The following PM20D2 variants were observed in gnomAD, a reference collection of about 807,000 sequenced individuals.
The protein encoded by PM20D2 is xaa-Arg dipeptidase.
In PM20D2, 33 loss-of-function variants were observed where a neutral mutation model predicts 42.9. The observed-to-expected ratio is 0.77, with a 90% confidence interval of 0.58 to 1.03. The LOEUF (loss-of-function observed/expected upper bound fraction) is 1.03, where lower values mean the gene tolerates loss of function less well. PM20D2 is among the 50% of genes least tolerant of loss of function. The probability of loss-of-function intolerance (pLI) is 0.00; values close to 1 mark genes in which losing one functional copy is unlikely to be tolerated. For missense variants in PM20D2, 548 were observed against 557.0 expected (o/e 0.98, Z 0.16); for synonymous variants, 250 against 228.2 (o/e 1.10, Z -0.86).
chr6:89,127,215 C>A, the PM20D2 span, among the ~76,000 whole-genome samples: 1 of 152,094 alleles, frequency 6.6e-6, no homozygotes, highest in Non-Finnish European at 1.5e-5. Context: ...AATTTTGCAA[C>A]CCCTAATGAA....
chr6:89,146,451 C>T lies in PM20D2; in HGVS notation c.307C>T (p.Pro103Ser). ...GGAGGCCCGGGCACCGAGCGCCACG[C>T]CACGCCCGCTGCACCTGGGCTTCCT... ...PPEARAPSAT[P>S]RPLHLGFLCE... Residue 103 changes from proline (P) to serine (S), a missense_variant, in exon 1 of 7, where the codon CCA becomes TCA. By Grantham distance (74) the Pro-to-Ser change is moderately conservative. Transcript: ENST00000275072. The T allele has an allele frequency of 6.6e-7, 1 of 1,523,234 alleles. No homozygotes were observed. Among genetic ancestry groups the T allele is most frequent in the Non-Finnish European group, 8.8e-7 (1 of 1,142,664 alleles). The allele number at this position is 1,523,234 out of a possible 1,614,324, so 94.4% of individuals were successfully genotyped here.
the PM20D2 span, among the ~76,000 whole-genome samples, chr6:89,127,648 C>T: frequency 6.6e-6 from 1 of 152,160 alleles, no homozygotes; most frequent in African/African-American, 2.4e-5. Context: ...TCCAAAAACA[C>T]TGAGTCTAGC....
At chr6:89,138,818 TGG>T in the PM20D2 span, among the ~76,000 whole-genome samples, 3 of 152,178 alleles carry the variant, frequency 2.0e-5, no homozygotes, top group Non-Finnish European at 4.4e-5. Context: ...TGAGCAGAGA[TGG>T]CACCACTGCA....
the PM20D2 span, among the ~76,000 whole-genome samples, chr6:89,121,043 C>A: frequency 2.6e-5 from 4 of 151,898 alleles, no homozygotes; most frequent in African/African-American, 9.7e-5. Flanking sequence ...AAAAAAACCA[C>A]AAAGCTCTTT....
intron 5 of PM20D2, among the ~76,000 whole-genome samples, chr6:89,160,926 T>C (rs917347182): frequency 1.3e-5 from 2 of 151,826 alleles, no homozygotes; most frequent in Non-Finnish European, 2.9e-5. Context: ...CTAGAGCGGC[T>C]AGGGCATCGA....
chr6:89,099,308 A>C, the PM20D2 span, among the ~76,000 whole-genome samples: 1 of 151,598 alleles, frequency 6.6e-6, no homozygotes, highest in South Asian at 2.1e-4. Flanking sequence ...TTATAAAAAT[A>C]AAAATCTAGA....
intron 5 of PM20D2, 113 bp from the exon 6 acceptor site, chr6:89,161,670 T>G: frequency 1.3e-6 from 1 of 786,202 alleles, no homozygotes; most frequent in Non-Finnish European, 2.1e-6. Flanking sequence ...CGGACAACTC[T>G]CCAAGAAGCT....
chr6:89,104,829 G>A, the PM20D2 span, among the ~76,000 whole-genome samples: 1 of 152,064 alleles, frequency 6.6e-6, no homozygotes, highest in East Asian at 1.9e-4. Flanking sequence ...GAGGTGGGAG[G>A]AACACTTGAG....
chr6:89,117,968 G>T, the PM20D2 span: 1 of 1,442,716 alleles, frequency 6.9e-7, no homozygotes, highest in Non-Finnish European at 9.3e-7. Context: ...TACCACCACA[G>T]GAGCTCCGCC....
upstream of PM20D2, among the ~76,000 whole-genome samples, chr6:89,144,773 G>A (rs1469297622): frequency 6.6e-6 from 1 of 152,068 alleles, no homozygotes; most frequent in Non-Finnish European, 1.5e-5. Context: ...GGATCTCGTG[G>A]ATACAGGGTA....
Position 89,154,842 on chromosome 6 carries a change from A to C in PM20D2, c.852A>C (p.Gln284His). The C allele has an allele frequency of 6.2e-7, 1 of 1,609,652 alleles. No individual in the cohort carries two copies. ...GTGCACCCTCAATGAAAGAACTTCA[A>C]GTTTTGACCAAAAAGGCAGAAGATT... ...YFRAPSMKEL[Q>H]VLTKKAEDCF... Residue 284 changes from glutamine (Q) to histidine (H), a missense_variant, in exon 4 of 7, where the codon CAA becomes CAC. Gln to His is a conservative substitution (Grantham distance 24, BLOSUM62 0). This residue lies in a region of PM20D2 where 470 missense variants were observed against 464.4 expected (regional missense o/e 1.01). Coordinates refer to ENST00000275072, the MANE Select transcript of PM20D2 (RefSeq NM_001010853.3).
At chr6:89,103,962 C>T in the PM20D2 span, among the ~76,000 whole-genome samples, 4 of 150,116 alleles carry the variant, frequency 2.7e-5, no homozygotes, top group Non-Finnish European at 5.9e-5. Context: ...TTTAGTCAAC[C>T]ACCTTTCACA....
the PM20D2 span, chr6:89,106,979 G>A: frequency 1.4e-6 from 1 of 690,232 alleles, no homozygotes; most frequent in South Asian, 1.5e-5. Flanking sequence ...TAACAGGTTG[G>A]TTCAAACTGG....
chr6:89,146,207 G>A lies in PM20D2; in HGVS notation c.63G>A (p.Glu21=), dbSNP rs1458271186. The A allele has an allele frequency of 1.3e-6, 2 of 1,565,960 alleles. No homozygotes were observed. Among genetic ancestry groups the A allele is most frequent in the Non-Finnish European group, 1.7e-6 (2 of 1,164,314 alleles). The stretch of plus-strand genomic sequence containing the variant: ...CGTGCAATGGCCGCTCCGAGCTGGA[G>A]CTACTGAAGCTGCGCTCGGCGGAGT... The part of the protein sequence containing the change: ...GGACNGRSEL[E]LLKLRSAECI... Residue 21 remains glutamate (E), a synonymous_variant, in exon 1 of 7, where the codon GAG becomes GAA. Coordinates refer to ENST00000275072, the MANE Select transcript of PM20D2 (RefSeq NM_001010853.3).
At chr6:89,147,336 A>G (rs927343766) in intron 1 of PM20D2, among the ~76,000 whole-genome samples, 6 of 152,216 alleles carry the variant, frequency 3.9e-5, no homozygotes, top group Non-Finnish European at 8.8e-5. Context: ...GCTAAGATTC[A>G]ATCGTCATTC....
At chr6:89,098,836 A>G in the PM20D2 span, 2 of 1,614,000 alleles carry the variant, frequency 1.2e-6, no homozygotes, top group Non-Finnish European at 1.7e-6. Flanking sequence ...ACCGTCCTCT[A>G]GAGCCAAAAT....
chr6:89,095,379 AT>A, the PM20D2 span, among the ~76,000 whole-genome samples: 1 of 151,928 alleles, frequency 6.6e-6, no homozygotes, highest in East Asian at 1.9e-4. Context: ...CGCCCGGCTA[AT>A]TTTTTTTGGT....
At chr6:89,110,960 T>TA in the PM20D2 span, among the ~76,000 whole-genome samples, 16 of 150,952 alleles carry the variant, frequency 1.1e-4, no homozygotes, top group South Asian at 6.3e-4. Flanking sequence ...CTACAAAAAA[T>TA]AAAAAAAAAT....
chr6:89,163,421 A>G lies in PM20D2; in HGVS notation c.*1158A>G, dbSNP rs1771311814. ...GGCCTCAAACTCCTGGGCTCAAGCA[A>G]TCCTCCTGTCTTGGCCTCCCAAAGT... On this transcript the variant is annotated 3_prime_UTR_variant, in exon 7 of 7. Coordinates refer to ENST00000275072, the MANE Select transcript of PM20D2 (RefSeq NM_001010853.3). The G allele has an allele frequency of 6.6e-6, 1 of 152,072 alleles. No homozygotes were observed. The highest frequency in any genetic ancestry group is 6.5e-5 in the Admixed American group (1 of 15,274). The allele number at this position is 152,072 out of a possible 1,614,324, so 9.4% of individuals were successfully genotyped here. A position where few individuals can be genotyped will look rare whatever the true frequency, so the allele number is the denominator to read the frequency against.
Sources: gnomAD v4.1 joint callset for allele counts (sites outside exome capture counted in the v4.1 genomes callset) on GRCh38, gnomAD v4.1.1 for gene constraint, gnomAD v4.1.1 regional missense constraint, MANE v1.5 for transcripts, NCBI Gene and HGNC (gene_info 2026-07-23, HGNC 2026-07-21) for gene names.